RIN2: variants seen among roughly 807,000 people sequenced by gnomAD.
RIN2 encodes RAB5 interacting protein 2.
A neutral mutation model predicts 78.0 loss-of-function variants in RIN2; 36 were observed. The observed-to-expected ratio is 0.46, with a 90% CI of 0.35 to 0.61. The LOEUF is 0.61. Ranked by LOEUF, RIN2 falls within the 20% of genes least tolerant of loss-of-function variation. The pLI, the probability that RIN2 is intolerant of heterozygous loss-of-function variation, is 0.00. For missense variants in RIN2, 1,087 were observed against 1,159.7 expected (o/e 0.94, Z 0.91); for synonymous variants, 466 against 466.8 (o/e 1.00, Z 0.02).
intron 9 of RIN2, among the ~76,000 whole-genome samples, chr20:19,983,798 T>C (rs1394220676): frequency 2.0e-5 from 3 of 152,160 alleles, no homozygotes; most frequent in Admixed American, 6.5e-5. Flanking sequence ...TGTAACCCAA[T>C]AGGTAATTTT....
intron 3 of RIN2, among the ~76,000 whole-genome samples, chr20:19,916,931 A>G (rs915698791): frequency 1.3e-5 from 2 of 152,146 alleles, no homozygotes; most frequent in East Asian, 1.9e-4. Context: ...TTTGAAATTC[A>G]TAGGCATCTG....
chr20:19,817,048 T>C (rs2035787846), intron 2 of RIN2, among the ~76,000 whole-genome samples: 1 of 152,148 alleles, frequency 6.6e-6, no homozygotes, highest in Non-Finnish European at 1.5e-5. Flanking sequence ...GTACATTTGC[T>C]AGAGCTGGGA....
At chr20:19,769,435 C>T (rs373041767) in intron 1 of RIN2, among the ~76,000 whole-genome samples, 38 of 152,342 alleles carry the variant, frequency 2.5e-4, no homozygotes, top group East Asian at 1.9e-3. Context: ...TACTCAAATA[C>T]ACATGAGTAT....
chr20:19,866,782 A>C (rs927587815), intron 2 of RIN2, among the ~76,000 whole-genome samples: 1 of 151,856 alleles, frequency 6.6e-6, no homozygotes, highest in Non-Finnish European at 1.5e-5. Flanking sequence ...GCACCACCAC[A>C]CCAGCATAAT....
Position 19,779,800 on chromosome 20 carries a change from G to A in RIN2, c.-162-19822G>A, listed in dbSNP as rs115861782. Among the ~76,000 whole-genome samples, 913 of 152,276 alleles carry A rather than the reference G, an allele frequency of 6.0e-3. 8 individuals carry two copies. Among genetic ancestry groups the A allele is most frequent in the African/African-American group, 0.021 (873 of 41,546 alleles). On this transcript the variant is annotated intron_variant, in intron 1 of 12. Transcript: ENST00000255006. ...ATACCATGTATTGCTTACAGAGCTC[G>A]AGTTAGTGCGATGGATGTGGTTTTT...
intron 2 of RIN2, among the ~76,000 whole-genome samples, chr20:19,830,955 T>C (rs1332296005): frequency 6.6e-6 from 1 of 152,226 alleles, no homozygotes; most frequent in Non-Finnish European, 1.5e-5. Context: ...CTCATCTCCA[T>C]GTCCCCGTGT....
intron 3 of RIN2, among the ~76,000 whole-genome samples, chr20:19,903,306 G>A (rs1252179728): frequency 6.6e-6 from 1 of 152,050 alleles, no homozygotes; most frequent in African/African-American, 2.4e-5. Context: ...CGTGTGTGTC[G>A]AAAGAGGGGG....
chr20:19,972,038 G>A (rs909740497), intron 8 of RIN2, among the ~76,000 whole-genome samples: 1 of 152,086 alleles, frequency 6.6e-6, no homozygotes, highest in Non-Finnish European at 1.5e-5. Flanking sequence ...CACTGTGCTC[G>A]GCCATGAAAC....
intron 4 of RIN2, among the ~76,000 whole-genome samples, chr20:19,954,778 A>G (rs1469188495): frequency 1.3e-5 from 2 of 151,954 alleles, no homozygotes; most frequent in Non-Finnish European, 2.9e-5. Flanking sequence ...ACAACATTGG[A>G]TAAATACCAG....
Position 19,773,123 on chromosome 20 carries a change from G to A in RIN2, c.-163+14796G>A, listed in dbSNP as rs183930653. 4.5e-4 allele frequency among the ~76,000 whole-genome samples: 68 copies of A among 152,312 alleles called. 2 individuals are homozygous for A. The highest frequency in any genetic ancestry group is 1.5e-3 in the African/African-American group (64 of 41,578). On this transcript the variant is annotated intron_variant, in intron 1 of 12. Coordinates refer to ENST00000255006, the MANE Select transcript of RIN2 (RefSeq NM_018993.4). ...GTTCCAGGCCTCCCGGCTTCTGGAA[G>A]CCTCAAGCATGCCTTGTAGATGCAT...
intron 6 of RIN2, among the ~76,000 whole-genome samples, chr20:19,961,513 G>A (rs2041747247): frequency 6.6e-6 from 1 of 152,146 alleles, no homozygotes; most frequent in Admixed American, 6.5e-5. Context: ...GGGAGGAGTG[G>A]GAGGAGCAGG....
chr20:19,783,468 G>A (rs2034575700), intron 1 of RIN2, among the ~76,000 whole-genome samples: 3 of 132,200 alleles, frequency 2.3e-5, no homozygotes, highest in Admixed American at 2.3e-4. Context: ...GTTTGGATGG[G>A]GACCCAGCTG....
At chr20:19,939,136 T>A (rs1195523605) in intron 4 of RIN2, among the ~76,000 whole-genome samples, 1 of 152,188 alleles carries the variant, frequency 6.6e-6, no homozygotes, top group Non-Finnish European at 1.5e-5. Context: ...AACCTCTGCC[T>A]CCCAGGTTCA....
rs1295460223 is a variant in RIN2, at chr20:19,992,203, C to T, written c.2104C>T (p.Leu702=). ...MYGADDFLPV[L]TYVIAQCDML... is the part of the protein sequence containing the mutation. ...TGGCGCTGATGACTTCTTGCCAGTC[C>T]TGACCTATGTCATAGCCCAGTGTGA... The change falls in exon 11 of 13, where the codon CTG becomes TTG. Residue 702 remains leucine, a synonymous_variant. Transcript: ENST00000255006. 6.2e-7 allele frequency: 1 copy of T among 1,612,620 alleles called. No individual in the cohort carries two copies. Among genetic ancestry groups the T allele is most frequent in the East Asian group, 2.2e-5 (1 of 44,870 alleles).
At chr20:19,812,790 TTGTC>T in intron 2 of RIN2, among the ~76,000 whole-genome samples, 1 of 152,298 alleles carries the variant, frequency 6.6e-6, no homozygotes, top group Non-Finnish European at 1.5e-5. Flanking sequence ...AAAATAGTCA[TTGTC>T]TGGTAATAAT....
At chr20:19,935,295 T>C in intron 4 of RIN2, 96 bp downstream of exon 4, 1 of 1,280,590 alleles carries the variant, frequency 7.8e-7, no homozygotes, top group Non-Finnish European at 1.1e-6. Flanking sequence ...CTCAGAAGTC[T>C]GGGAGCTGGG....
intron 3 of RIN2, among the ~76,000 whole-genome samples, chr20:19,901,529 A>T (rs2038983194): frequency 2.0e-5 from 3 of 152,176 alleles, no homozygotes; most frequent in South Asian, 2.1e-4. Flanking sequence ...CCTGCCAACT[A>T]AACCCTGGGG....
chr20:19,827,860 C>A (rs921356768), intron 2 of RIN2, among the ~76,000 whole-genome samples: 5 of 149,886 alleles, frequency 3.3e-5, no homozygotes, highest in African/African-American at 9.8e-5. Flanking sequence ...CCAAAAGTAC[C>A]TTTAAAAAGG....
At chr20:19,953,660 G>A (rs2041417703) in intron 4 of RIN2, among the ~76,000 whole-genome samples, 1 of 151,884 alleles carries the variant, frequency 6.6e-6, no homozygotes, top group African/African-American at 2.4e-5. Flanking sequence ...GGCTGATCTT[G>A]AACTCCTGGT....
Sources: allele counts gnomAD v4.1 joint callset (sites outside exome capture counted in the v4.1 genomes callset), GRCh38; gene constraint gnomAD v4.1.1; transcripts MANE v1.5; gene names NCBI Gene and HGNC (gene_info 2026-07-23, HGNC 2026-07-21).